The following HECW1 variants were observed in gnomAD, a reference collection of about 807,000 sequenced individuals.
HECW1 encodes the protein HECT, C2 and WW domain containing E3 ubiquitin protein ligase 1.
In HECW1, 61 loss-of-function variants were observed where a neutral mutation model predicts 182.3. The observed-to-expected ratio is 0.33, with a 90% CI of 0.27 to 0.41. HECW1 has a LOEUF of 0.41. Ranked by LOEUF, HECW1 falls within the 10% of genes least tolerant of loss-of-function variation. The pLI, the probability that HECW1 is intolerant of heterozygous loss-of-function variation, is 1.00. For synonymous variants in HECW1, 859 were observed against 832.6 expected (o/e 1.03, Z -0.55); for missense variants, 1,739 against 2,108.9 (o/e 0.82, Z 3.44).
intron 5 of HECW1, among the ~76,000 whole-genome samples, chr7:43,328,408 A>G (rs905802223): frequency 6.6e-6 from 1 of 152,248 alleles, no homozygotes; most frequent in Non-Finnish European, 1.5e-5. Context: ...AAGGCCTGCA[A>G]CATGGGACAC....
intron 2 of HECW1, among the ~76,000 whole-genome samples, chr7:43,135,004 TAC>T (rs1344765903): frequency 6.4e-4 from 98 of 152,352 alleles, no homozygotes; most frequent in African/African-American, 2.3e-3. Flanking sequence ...CTGATTTGCC[TAC>T]TCTGTGAAGG....
At chr7:43,463,909 G>A in intron 14 of HECW1, 110 bp downstream of exon 14, 1 of 1,243,142 alleles carries the variant, frequency 8.0e-7, no homozygotes, top group Non-Finnish European at 1.1e-6. Context: ...CCAGGGTGAA[G>A]AGAGTGGAAG....
At chr7:43,172,007 G>T (rs1444667961) in intron 2 of HECW1, among the ~76,000 whole-genome samples, 1 of 152,070 alleles carries the variant, frequency 6.6e-6, no homozygotes, top group Non-Finnish European at 1.5e-5. Context: ...TCCAGGCACA[G>T]TGGCTCACAT....
intron 14 of HECW1, among the ~76,000 whole-genome samples, chr7:43,464,357 C>T (rs1196999218): frequency 2.6e-5 from 4 of 152,140 alleles, no homozygotes; most frequent in Non-Finnish European, 4.4e-5. Flanking sequence ...AGAGGTTTTC[C>T]AGCATGCCAC....
intron 7 of HECW1, among the ~76,000 whole-genome samples, chr7:43,401,864 C>G (rs917638751): frequency 6.6e-5 from 10 of 151,836 alleles, no homozygotes; most frequent in Non-Finnish European, 1.2e-4. Context: ...CCATGCCCCT[C>G]TATCTTGTAC....
At chr7:43,141,239 C>T (rs1788119136) in intron 2 of HECW1, among the ~76,000 whole-genome samples, 1 of 152,142 alleles carries the variant, frequency 6.6e-6, no homozygotes, top group South Asian at 2.1e-4. Context: ...TGAGTGGGGT[C>T]ATTAGGAAAC....
intron 16 of HECW1, among the ~76,000 whole-genome samples, chr7:43,476,301 A>G (rs1034455875): frequency 6.6e-6 from 1 of 152,216 alleles, no homozygotes; most frequent in Non-Finnish European, 1.5e-5. Context: ...AAATACCTAT[A>G]AATTATCTTA....
chr7:43,248,500 G>A (rs1364431016), intron 3 of HECW1: 2 of 152,088 alleles, frequency 1.3e-5, no homozygotes, highest in African/African-American at 4.8e-5. Context: ...ACTAATCTCC[G>A]GCTTGCTTTT....
chr7:43,438,163 A>G lies in HECW1; in HGVS notation c.944+18A>G. 1 of 1,606,830 alleles carries G rather than the reference A, an allele frequency of 6.2e-7. No individual in the cohort carries two copies. The highest frequency in any genetic ancestry group is 8.5e-7 in the Non-Finnish European group (1 of 1,174,676). On this transcript the variant is annotated intron_variant, in intron 9 of 29. Transcript: ENST00000395891. ...GCCATAGGGTAAACCTGTGACTGAG[A>G]TCTTACTATCACTAGGTTCCCACCA... is the stretch of plus-strand genomic sequence containing the variant.
intron 2 of HECW1, among the ~76,000 whole-genome samples, chr7:43,190,676 T>C (rs1793830108): frequency 6.6e-6 from 1 of 152,206 alleles, no homozygotes; most frequent in Non-Finnish European, 1.5e-5. Context: ...TGAGAAATGC[T>C]CTAACCATCC....
At chr7:43,531,544 C>T (rs1174134438) in intron 24 of HECW1, among the ~76,000 whole-genome samples, 2 of 152,194 alleles carry the variant, frequency 1.3e-5, no homozygotes, top group African/African-American at 4.8e-5. Context: ...TCATGCCCTC[C>T]TCCACTGACC....
At position 43,456,457 on chromosome 7, in the gene HECW1, C is replaced by A; in HGVS notation, c.2651+10C>A. ...AGCAACTCAACAGGCGGTTGGTGATCAGTATGCAATGAGCTCCCCTAAACC... is the reference window on the plus strand; with the variant it reads ...AGCAACTCAACAGGCGGTTGGTGATAAGTATGCAATGAGCTCCCCTAAACC... On this transcript the variant is annotated intron_variant, in intron 13 of 29. Transcript: ENST00000395891. 6.2e-7 allele frequency: 1 copy of A among 1,612,804 alleles called. No individual in the cohort carries two copies. The highest frequency in any genetic ancestry group is 1.1e-5 in the South Asian group (1 of 90,790).
intron 1 of HECW1, 45 bp from the exon 2 acceptor site, chr7:43,114,111 CA>C: frequency 3.6e-6 from 2 of 558,374 alleles, no homozygotes; most frequent in Admixed American, 7.0e-5. Context: ...TTGGAATCTG[CA>C]GTGGTGCAAT....
At chr7:43,501,742 G>T (rs1278337973) in intron 21 of HECW1, among the ~76,000 whole-genome samples, 3 of 151,878 alleles carry the variant, frequency 2.0e-5, no homozygotes, top group Non-Finnish European at 4.4e-5. Context: ...GAAGCAGGAG[G>T]GTTCCTTGAG....
intron 8 of HECW1, among the ~76,000 whole-genome samples, chr7:43,415,826 C>G (rs2075974035): frequency 7.2e-6 from 1 of 139,812 alleles, no homozygotes; most frequent in Admixed American, 7.3e-5. Context: ...CGCATCGGCT[C>G]CTGAGGCTTC....
At chr7:43,416,238 C>T (rs141234795) in intron 8 of HECW1, among the ~76,000 whole-genome samples, 20,532 of 150,208 alleles carry the variant, frequency 0.14, 1,818 homozygotes, top group Middle Eastern at 0.22. Context: ...TGTTAGTTTT[C>T]CTTCTAACAG....
Position 43,287,542 on chromosome 7 carries a change from T to C in HECW1, c.28-24221T>C, listed in dbSNP as rs527510229. Among the ~76,000 whole-genome samples the C allele has an allele frequency of 2.8e-4, 43 of 152,316 alleles. No homozygotes were observed. The South Asian group carries it at 8.9e-3, about 32-fold the overall frequency. ...GTTTGGAGACAGGGTCTCACTATAT[T>C]GCCCAGGCTGGTCTCCAACTCCTGG... On this transcript the variant is annotated intron_variant, in intron 3 of 29. Transcript: ENST00000395891.
intron 2 of HECW1, among the ~76,000 whole-genome samples, chr7:43,212,723 A>G (rs1796106747): frequency 6.6e-6 from 1 of 152,218 alleles, no homozygotes; most frequent in Non-Finnish European, 1.5e-5. Flanking sequence ...ATCTTACTGG[A>G]ATGTCTAAGT....
chr7:43,535,199 G>A (rs923491613), intron 24 of HECW1, among the ~76,000 whole-genome samples: 6 of 152,206 alleles, frequency 3.9e-5, no homozygotes, highest in Middle Eastern at 3.2e-3. Context: ...ACAGCAATGC[G>A]CTGAAGGGGA....
Sources: gnomAD v4.1 joint callset for allele counts (sites outside exome capture counted in the v4.1 genomes callset) on GRCh38, gnomAD v4.1.1 for gene constraint, MANE v1.5 for transcripts, NCBI Gene and HGNC (gene_info 2026-07-23, HGNC 2026-07-21) for gene names.